ANK2: variants seen among roughly 807,000 people sequenced by gnomAD.
ANK2 encodes the protein ankyrin-2.
In ANK2, 83 loss-of-function variants were observed where a neutral mutation model predicts 360.5. That is an observed-to-expected ratio of 0.23 (90% CI 0.19 to 0.28). The LOEUF is 0.28. Ranked by LOEUF, ANK2 falls within the 10% of genes least tolerant of loss-of-function variation. ANK2 has a pLI of 1.00. For synonymous variants in ANK2, 1,740 were observed against 1,759.5 expected (o/e 0.99, Z 0.28); for missense variants, 4,201 against 4,795.7 (o/e 0.88, Z 3.66).
chr4:113,023,646 C>T (rs1176512909), intron 2 of ANK2, among the ~76,000 whole-genome samples: 3 of 152,202 alleles, frequency 2.0e-5, no homozygotes, highest in Admixed American at 6.5e-5. Context: ...GTATCTCCAC[C>T]GGCAACATTT....
At chr4:113,212,624 T>G (rs2153456555) in intron 4 of ANK2, among the ~76,000 whole-genome samples, 1 of 152,332 alleles carries the variant, frequency 6.6e-6, no homozygotes, top group South Asian at 2.1e-4. Flanking sequence ...TGCTTTCTAC[T>G]CATGTAACTC....
rs76770380 is a variant in ANK2 at position 112,968,078 on chromosome 4, A to G, written c.21+63564A>G. Reference sequence around the variant, plus strand: ...TTATTCCAGGGAGATTTGCCCAATCATGGAATGTGTAACTTTCAGAAGCAT... The same window carrying G: ...TTATTCCAGGGAGATTTGCCCAATCGTGGAATGTGTAACTTTCAGAAGCAT... On this transcript the variant is annotated intron_variant, in intron 2 of 30. Transcript: ENST00000503271. Among the ~76,000 whole-genome samples the G allele has an allele frequency of 4.3e-4, 66 of 152,256 alleles. No individual in the cohort carries two copies. In the East Asian group the frequency reaches 7.9e-3, roughly 18 times the overall value.
chr4:113,196,294 A>G (rs2098746670), intron 2 of ANK2, 74 bp from the exon 3 acceptor site: 1 of 1,130,768 alleles, frequency 8.8e-7, no homozygotes, highest in Admixed American at 1.9e-5. Context: ...TCTGGGTTAT[A>G]TGCTTGAGTA....
At chr4:113,019,859 GT>G (rs1227962813) in intron 2 of ANK2, among the ~76,000 whole-genome samples, 85 of 144,762 alleles carry the variant, frequency 5.9e-4, no homozygotes, top group Middle Eastern at 3.7e-3. Context: ...GTTTACATTG[GT>G]TTTTTTTTTT....
intron 2 of ANK2, among the ~76,000 whole-genome samples, chr4:113,019,951 T>A (rs1344433911): frequency 6.6e-6 from 1 of 152,036 alleles, no homozygotes; most frequent in East Asian, 1.9e-4. Context: ...CTTCAAAGAT[T>A]GGATATTGTT....
intron 37 of ANK2, among the ~76,000 whole-genome samples, chr4:113,352,597 T>C (rs1349022718): frequency 6.6e-6 from 1 of 152,194 alleles, no homozygotes; most frequent in Admixed American, 6.5e-5. Flanking sequence ...GGAAATCAAC[T>C]TTCTGCAATT....
upstream of ANK2, among the ~76,000 whole-genome samples, chr4:113,046,390 T>A (rs187643018): frequency 3.1e-4 from 47 of 152,168 alleles, no homozygotes; most frequent in African/African-American, 1.1e-3. Context: ...GGCTTGAATA[T>A]TTGTGTCCTC....
At chr4:112,733,825 A>C in the ANK2 span, among the ~76,000 whole-genome samples, 3 of 152,196 alleles carry the variant, frequency 2.0e-5, no homozygotes, top group African/African-American at 7.2e-5. Context: ...CCCAGCCTGG[A>C]GTGCAATGAT....
At chr4:113,323,735 G>A (rs764539952) in intron 26 of ANK2, 1 of 1,606,926 alleles carries the variant, frequency 6.2e-7, no homozygotes, top group South Asian at 1.1e-5. Context: ...CCTTCTCTGT[G>A]CTAAAGTATC....
At chr4:113,163,524 G>A (rs2097622629) in intron 1 of ANK2, among the ~76,000 whole-genome samples, 2 of 151,704 alleles carry the variant, frequency 1.3e-5, no homozygotes, top group African/African-American at 4.8e-5. Context: ...CAGCACTTTG[G>A]GAGGCCGAGG....
intron 2 of ANK2, among the ~76,000 whole-genome samples, chr4:113,025,762 G>T (rs1228119869): frequency 2.0e-5 from 3 of 152,104 alleles, no homozygotes; most frequent in Non-Finnish European, 4.4e-5. Flanking sequence ...GGGGAAGGGG[G>T]TCTCACTCTG....
intron 2 of ANK2, among the ~76,000 whole-genome samples, chr4:112,988,152 T>C (rs1363671287): frequency 1.3e-5 from 2 of 152,136 alleles, no homozygotes; most frequent in Admixed American, 6.5e-5. Flanking sequence ...AGATATCTTT[T>C]AGAAATTGTT....
Position 113,357,508 on chromosome 4 carries a change from A to G in ANK2, c.8890A>G (p.Ile2964Val), listed in dbSNP as rs142940881. The change falls in exon 38 of 46, where the codon ATC (isoleucine) becomes GTC (valine). Residue 2964 changes from isoleucine (I) to valine (V), a missense_variant. By Grantham distance (29) the Ile-to-Val change is conservative. Around this residue, in one of 4 missense-constraint regions of ANK2, gnomAD observed 2,642 missense variants for 2,714.5 expected, o/e 0.97. Coordinates refer to ENST00000357077, the MANE Select transcript of ANK2 (RefSeq NM_001148.6). ...CTCTTCTGAAGTGTATTCTGTTACC[A>G]TCACATCCCCTGTTGAAGACGTTGT... is the stretch of plus-strand genomic sequence containing the variant. ...FHSSEVYSVT[I>V]TSPVEDVVVA... 2 of 1,614,128 alleles carry G rather than the reference A, an allele frequency of 1.2e-6. No individual in the cohort carries two copies. The highest frequency in any genetic ancestry group is 1.3e-5 in the African/African-American group (1 of 75,038).
intron 1 of ANK2, among the ~76,000 whole-genome samples, chr4:112,849,808 CAG>C (rs1454127805): frequency 1.3e-5 from 2 of 152,118 alleles, no homozygotes; most frequent in Non-Finnish European, 2.9e-5. Context: ...AAGGGATGCC[CAG>C]ATAGTTGGTG....
chr4:113,165,815 G>A (rs2097733025), intron 1 of ANK2, among the ~76,000 whole-genome samples: 1 of 152,020 alleles, frequency 6.6e-6, no homozygotes, highest in South Asian at 2.1e-4. Context: ...CTTATTTCTT[G>A]AAAAAATCTG....
In ANK2 at chr4:113,354,734, A is replaced by G; in HGVS notation, c.6116A>G (p.Gln2039Arg). ...VEKEKGPILT[Q>R]REAQKTENQT... ...AAAGAAAAGGGGCCGATACTAACCC[A>G]GAGAGAAGCTCAGAAAACAGAGAAT... The change falls in exon 38 of 46, where the codon CAG becomes CGG. Residue 2039 changes from glutamine (Q) to arginine (R), a missense_variant. Coordinates refer to ENST00000357077, the MANE Select transcript of ANK2 (RefSeq NM_001148.6). The G allele has an allele frequency of 1.2e-6, 2 of 1,613,704 alleles. No homozygotes were observed. Among genetic ancestry groups the G allele is most frequent in the Non-Finnish European group, 1.7e-6 (2 of 1,179,928 alleles).
chr4:113,083,567 T>A lies in ANK2; in HGVS notation c.84+33755T>A, dbSNP rs907557755. ...CAGATGTAAAATCCAGGCCCATCAC[T>A]GTTGGGTATAAGGAGTGAGAGAGAG... On this transcript the variant is annotated intron_variant, in intron 1 of 45. Coordinates refer to ENST00000357077, the MANE Select transcript of ANK2 (RefSeq NM_001148.6). Among the ~76,000 whole-genome samples, 3 of 152,180 alleles carry A rather than the reference T, an allele frequency of 2.0e-5. No homozygotes were observed. In the East Asian group the frequency reaches 5.8e-4, roughly 29 times the overall value.
intron 1 of ANK2, among the ~76,000 whole-genome samples, chr4:112,835,785 G>A (rs2060864902): frequency 6.6e-6 from 1 of 152,200 alleles, no homozygotes; most frequent in African/African-American, 2.4e-5. Context: ...GCTAAAATTT[G>A]AGGAATAGAT....
chr4:113,350,076 TC>T, intron 36 of ANK2, 151 bp from the exon 37 acceptor site: 1 of 656,566 alleles, frequency 1.5e-6, no homozygotes, highest in Non-Finnish European at 2.6e-6. Context: ...ATGGAGACTC[TC>T]AGGAAAAAAT....
Sources: allele counts gnomAD v4.1 joint callset (sites outside exome capture counted in the v4.1 genomes callset), GRCh38; gene constraint gnomAD v4.1.1; regional missense constraint gnomAD v4.1.1; transcripts MANE v1.5; gene names NCBI Gene and HGNC (gene_info 2026-07-23, HGNC 2026-07-21).